The following CORO1C variants were observed in gnomAD, a reference collection of about 807,000 sequenced individuals.
CORO1C encodes the protein coronin 1C, also known as coronin-1C.
CORO1C carries 14 observed loss-of-function variants against 51.2 expected under a neutral mutation model. That is an observed-to-expected ratio of 0.27 (90% CI 0.18 to 0.43). The LOEUF (loss-of-function observed/expected upper bound fraction) is 0.43. CORO1C is among the 20% of genes least tolerant of loss of function. The probability of loss-of-function intolerance (pLI) is 1.00; values close to 1 mark genes in which losing one functional copy is unlikely to be tolerated. For synonymous variants in CORO1C, 181 were observed against 210.5 expected (o/e 0.86, Z 1.21); for missense variants, 417 against 607.8 (o/e 0.69, Z 3.30).
At chr12:108,660,451 CAAAAAAAAAAAAAA>C (rs139334112) in intron 4 of CORO1C, among the ~76,000 whole-genome samples, 1 of 87,510 alleles carries the variant, frequency 1.1e-5, no homozygotes, top group South Asian at 4.3e-4. Context: ...AACTCCATCT[CAAAAAAAAAAAAAA>C]AAAAAAAAGA....
rs562511286 is a variant in CORO1C, at chr12:108,645,477, G to T, written c.*1926C>A. 2.5e-4 allele frequency: 38 copies of T among 152,196 alleles called. No homozygotes were observed. The highest frequency in any genetic ancestry group is 9.2e-4 in the African/African-American group (38 of 41,502). 9.4% of individuals were successfully genotyped at this position (152,196 alleles called of 1,614,324 possible). A position where few individuals can be genotyped will look rare whatever the true frequency, so the allele number is the denominator to read the frequency against. On this transcript the variant is annotated 3_prime_UTR_variant, in exon 11 of 11. Transcript: ENST00000261401. ...AAACACTACTGAATCTTAGACAAAA[G>T]GTCCTCAGCAGATTACATTGATAAA...
At chr12:108,713,005 A>G (rs1180520999) in intron 1 of CORO1C, among the ~76,000 whole-genome samples, 1 of 150,600 alleles carries the variant, frequency 6.6e-6, no homozygotes, top group African/African-American at 2.5e-5. Flanking sequence ...GTGACACTCA[A>G]AGAAAGAATT....
At chr12:108,715,567 G>A (rs1473448851) in intron 1 of CORO1C, among the ~76,000 whole-genome samples, 1 of 151,954 alleles carries the variant, frequency 6.6e-6, no homozygotes, top group Admixed American at 6.6e-5. Flanking sequence ...CTGGAGCTTT[G>A]AAAAAGCATT....
At chr12:108,674,243 C>T (rs1325207970) in intron 3 of CORO1C, among the ~76,000 whole-genome samples, 1 of 152,100 alleles carries the variant, frequency 6.6e-6, no homozygotes, top group Non-Finnish European at 1.5e-5. Context: ...TAGTGATTCC[C>T]CTGATGGATC....
chr12:108,704,859 C>T (rs544510637), intron 1 of CORO1C, among the ~76,000 whole-genome samples: 1 of 152,110 alleles, frequency 6.6e-6, no homozygotes, highest in African/African-American at 2.4e-5. Context: ...ACTTCCTGGC[C>T]GTGGTACAGT....
intron 1 of CORO1C, among the ~76,000 whole-genome samples, chr12:108,708,071 G>T (rs1471787667): frequency 2.0e-5 from 3 of 152,166 alleles, no homozygotes; most frequent in Admixed American, 6.5e-5. Flanking sequence ...AAGTCTGAAA[G>T]TTCCTCAAAC....
In CORO1C at chr12:108,662,078, G is replaced by C; in HGVS notation, c.399C>G (p.Val133=). The change falls in exon 4 of 11, where the codon GTC becomes GTG. Residue 133 remains valine (V), a synonymous_variant. Transcript: ENST00000261401. ...CCGTTGGATGCCAAGCCACGATGCCGACTCTCTTTGAGTGGCCTTCCAAAA... is the reference window on the plus strand; with the variant it reads ...CCGTTGGATGCCAAGCCACGATGCCCACTCTCTTTGAGTGGCCTTCCAAAA... ...VVILEGHSKR[V]GIVAWHPTAR... 1 of 1,614,034 alleles carries C rather than the reference G, an allele frequency of 6.2e-7. No individual in the cohort carries two copies.
chr12:108,704,017 G>C (rs1014367551), intron 1 of CORO1C, among the ~76,000 whole-genome samples: 7 of 152,166 alleles, frequency 4.6e-5, no homozygotes, highest in African/African-American at 1.7e-4. Flanking sequence ...TTTGAGGAAG[G>C]CCTCTCACTT....
chr12:108,666,852 C>G (rs2033498649), intron 3 of CORO1C, among the ~76,000 whole-genome samples: 1 of 152,138 alleles, frequency 6.6e-6, no homozygotes, highest in Non-Finnish European at 1.5e-5. Context: ...CAAAGCACCA[C>G]CCTAATAGGA....
Position 108,657,308 on chromosome 12 carries a change from T to C in CORO1C, c.746A>G (p.Asn249Ser). The change falls in exon 6 of 11, where the codon AAT becomes AGT. Residue 249 changes from asparagine (N) to serine (S), a missense_variant. Asn to Ser is a conservative substitution (Grantham distance 46). Coordinates refer to ENST00000261401, the MANE Select transcript of CORO1C (RefSeq NM_014325.4). ...GAAAGCCTGGGGAGGGCGTACCGGATTCCAGAGAGCCAGCTGCCGCTCGCT... is the reference window on the plus strand; with the variant it reads ...GAAAGCCTGGGGAGGGCGTACCGGACTCCAGAGAGCCAGCTGCCGCTCGCT... ...RMSERQLALW[N>S]PKNMQEPIAL... 1 of 1,613,780 alleles carries C rather than the reference T, an allele frequency of 6.2e-7. No homozygotes were observed. Among genetic ancestry groups the C allele is most frequent in the Non-Finnish European group, 8.5e-7 (1 of 1,179,800 alleles).
intron 1 of CORO1C, among the ~76,000 whole-genome samples, chr12:108,707,483 C>T (rs2035060283): frequency 6.6e-6 from 1 of 152,150 alleles, no homozygotes; most frequent in Non-Finnish European, 1.5e-5. Flanking sequence ...AAATAGCTAA[C>T]TCAAAATAGA....
At chr12:108,687,594 G>A (rs1488544832) in intron 2 of CORO1C, among the ~76,000 whole-genome samples, 2 of 151,990 alleles carry the variant, frequency 1.3e-5, no homozygotes, top group African/African-American at 2.4e-5. Flanking sequence ...AGACCAGCCT[G>A]GCCAACATGA....
chr12:108,720,672 C>T (rs1218601334), intron 1 of CORO1C, among the ~76,000 whole-genome samples: 2 of 151,838 alleles, frequency 1.3e-5, no homozygotes, highest in East Asian at 1.9e-4. Context: ...TACAGGCGCC[C>T]GCCACCACGC....
At chr12:108,674,454 A>T (rs1469033571) in intron 3 of CORO1C, among the ~76,000 whole-genome samples, 2 of 151,882 alleles carry the variant, frequency 1.3e-5, no homozygotes, top group African/African-American at 4.8e-5. Flanking sequence ...GGGCTGAGGC[A>T]GGAGAATCGC....
intron 1 of CORO1C, chr12:108,702,909 T>G (rs933391397): frequency 6.5e-7 from 1 of 1,535,482 alleles, no homozygotes; most frequent in Non-Finnish European, 8.7e-7. Flanking sequence ...AGCCCAGCTG[T>G]TATTGCCAGA....
At chr12:108,647,955 G>C (rs2032444466) in intron 10 of CORO1C, among the ~76,000 whole-genome samples, 1 of 151,684 alleles carries the variant, frequency 6.6e-6, no homozygotes, top group Non-Finnish European at 1.5e-5. Context: ...CCATCTGTGA[G>C]GCTCCTTCTT....
At chr12:108,692,093 G>A (rs1409586603) in intron 2 of CORO1C, among the ~76,000 whole-genome samples, 5 of 151,636 alleles carry the variant, frequency 3.3e-5, no homozygotes, top group African/African-American at 7.3e-5. Flanking sequence ...GGCCGTGCTC[G>A]TGTGGCTGGC....
At chr12:108,671,228 CG>C in intron 3 of CORO1C, among the ~76,000 whole-genome samples, 1 of 151,698 alleles carries the variant, frequency 6.6e-6, no homozygotes, top group South Asian at 2.1e-4. Flanking sequence ...TGCAGCTACT[CG>C]GAAGGTTGAG....
chr12:108,700,709 A>C (rs1366339412), intron 2 of CORO1C, among the ~76,000 whole-genome samples: 1 of 152,186 alleles, frequency 6.6e-6, no homozygotes, highest in Non-Finnish European at 1.5e-5. Flanking sequence ...TTCACAAAAA[A>C]AGAGAATATT....
Sources: gnomAD v4.1 joint callset for allele counts (sites outside exome capture counted in the v4.1 genomes callset) on GRCh38, gnomAD v4.1.1 for gene constraint, MANE v1.5 for transcripts, NCBI Gene and HGNC (gene_info 2026-07-23, HGNC 2026-07-21) for gene names.